The following PARD6G variants were observed in gnomAD, a reference collection of about 807,000 sequenced individuals.
The protein encoded by PARD6G is par-6 family cell polarity regulator gamma.
PARD6G carries 7 observed loss-of-function variants against 10.7 expected under a neutral mutation model. That is an observed-to-expected ratio of 0.66 (90% CI 0.37 to 1.23). The LOEUF (loss-of-function observed/expected upper bound fraction) is 1.23. Ranked by LOEUF, PARD6G falls within the 50% of genes most tolerant of loss-of-function variation. The pLI, the probability that PARD6G is intolerant of heterozygous loss-of-function variation, is 0.02. For missense variants in PARD6G, 548 were observed against 571.8 expected (o/e 0.96, Z 0.42); for synonymous variants, 287 against 269.4 (o/e 1.07, Z -0.64).
intron 2 of PARD6G, among the ~76,000 whole-genome samples, chr18:80,186,954 C>G (rs1251133576): frequency 6.6e-6 from 1 of 152,090 alleles, no homozygotes; most frequent in Admixed American, 6.6e-5. Context: ...AAGAAATTAG[C>G]CGGGCGTGGT....
At chr18:80,243,841 G>A (rs1257910503) in intron 1 of PARD6G, among the ~76,000 whole-genome samples, 1 of 152,102 alleles carries the variant, frequency 6.6e-6, no homozygotes, top group Non-Finnish European at 1.5e-5. Context: ...GGAAACACAG[G>A]CCAAAGAAAG....
chr18:80,196,551 T>A (rs1460786399), intron 2 of PARD6G, among the ~76,000 whole-genome samples: 2 of 152,166 alleles, frequency 1.3e-5, no homozygotes, highest in African/African-American at 4.8e-5. Flanking sequence ...CAATATAAAC[T>A]CTCACCATTT....
chr18:80,177,045 A>C (rs1268225299), intron 2 of PARD6G, among the ~76,000 whole-genome samples: 2 of 147,032 alleles, frequency 1.4e-5, no homozygotes, highest in African/African-American at 5.1e-5. Context: ...ACACACACAC[A>C]CACCACAGTA....
chr18:80,228,197 C>T lies in PARD6G; in HGVS notation c.72+19080G>A, dbSNP rs569962890. On this transcript the variant is annotated intron_variant, in intron 1 of 2. Transcript: ENST00000353265. The surrounding 1 kb of genome is among the most constrained non-coding windows in gnomAD (Gnocchi z 4.6). ...CTCTGAGCACAGCTGGAAAAGGGCC[C>T]GACCTGGTGCTCAGGAAGTCACATC... 4.6e-5 allele frequency among the ~76,000 whole-genome samples: 7 copies of T among 152,232 alleles called. No individual in the cohort carries two copies. The highest frequency in any genetic ancestry group is 1.3e-4 in the Admixed American group (2 of 15,290).
chr18:80,187,557 C>T lies in PARD6G; in HGVS notation c.295+15153G>A, dbSNP rs559925330. Among the ~76,000 whole-genome samples, 13 of 152,294 alleles carry T rather than the reference C, an allele frequency of 8.5e-5. No individual in the cohort carries two copies. The East Asian group carries it at 2.5e-3, about 29-fold the overall frequency. ...CAATTCAGGCATTGTGGGAGGGTCA[C>T]GAGGAACAAAGGACACCCTAGCCCC... On this transcript the variant is annotated intron_variant, in intron 2 of 2. Coordinates refer to ENST00000353265, the MANE Select transcript of PARD6G (RefSeq NM_032510.4).
intron 1 of PARD6G, among the ~76,000 whole-genome samples, chr18:80,226,385 G>C (rs1004759351): frequency 7.9e-5 from 12 of 151,886 alleles, no homozygotes; most frequent in African/African-American, 2.7e-4. Flanking sequence ...TGGTCAGGCT[G>C]GTCTCGAACT....
chr18:80,220,467 C>A (rs186208245), intron 1 of PARD6G, among the ~76,000 whole-genome samples: 1 of 152,116 alleles, frequency 6.6e-6, no homozygotes, highest in African/African-American at 2.4e-5. Flanking sequence ...CTAAGGAAAT[C>A]TGAATAAAGT....
At position 80,247,374 on chromosome 18, in the gene PARD6G, G is replaced by C. The variant is rs553791563; in HGVS notation, c.-26C>G. The C allele has an allele frequency of 8.4e-6, 13 of 1,541,722 alleles. No individual in the cohort carries two copies. The highest frequency in any genetic ancestry group is 1.1e-5 in the Non-Finnish European group (12 of 1,141,308). On this transcript the variant is annotated 5_prime_UTR_variant, in exon 1 of 3. Coordinates refer to ENST00000353265, the MANE Select transcript of PARD6G (RefSeq NM_032510.4). The surrounding 1 kb of genome is among the most constrained non-coding windows in gnomAD (Gnocchi z 4.2). ...GGTTTCGGCCCCGGTCAGCCTCGCC[G>C]TCGCCCTCGCTCCTCAGGGGCCGCA... is the stretch of plus-strand genomic sequence containing the variant.
intron 2 of PARD6G, among the ~76,000 whole-genome samples, chr18:80,176,275 C>T (rs1355904538): frequency 1.3e-5 from 2 of 152,186 alleles, no homozygotes; most frequent in African/African-American, 4.8e-5. Flanking sequence ...TGCTTTTAAT[C>T]AAGTTTTTCC....
chr18:80,208,240 T>C (rs1967073716), intron 1 of PARD6G, among the ~76,000 whole-genome samples: 1 of 152,200 alleles, frequency 6.6e-6, no homozygotes, highest in Admixed American at 6.5e-5. Context: ...GCAAACTATT[T>C]ATATTTACTA....
At position 80,192,667 on chromosome 18, in the gene PARD6G, G is replaced by C. The variant is rs1375948970; in HGVS notation, c.295+10043C>G. On this transcript the variant is annotated intron_variant, in intron 2 of 2. Transcript: ENST00000353265. This position sits in a 1 kb window ranked among gnomAD's most constrained non-coding sequence, Gnocchi z 4.9. The stretch of plus-strand genomic sequence containing the variant: ...ACTGTACTTTCTGAACCTTACTGTG[G>C]TCCAGAACACCAAAGACAAGGAGGG... Among the ~76,000 whole-genome samples, 1 of 152,182 alleles carries C rather than the reference G, an allele frequency of 6.6e-6. No homozygotes were observed. The highest frequency in any genetic ancestry group is 2.4e-5 in the African/African-American group (1 of 41,446).
intron 1 of PARD6G, among the ~76,000 whole-genome samples, chr18:80,220,384 C>T (rs1967215974): frequency 6.6e-6 from 1 of 152,002 alleles, no homozygotes; most frequent in Non-Finnish European, 1.5e-5. Context: ...ATCAGGAGAC[C>T]TCAAAATTAA....
chr18:80,222,759 C>T (rs1967246539), intron 1 of PARD6G, among the ~76,000 whole-genome samples: 1 of 152,106 alleles, frequency 6.6e-6, no homozygotes, highest in Non-Finnish European at 1.5e-5. Flanking sequence ...CTAAAACGTC[C>T]ATCTCCTGGG....
chr18:80,192,201 C>T lies in PARD6G; in HGVS notation c.295+10509G>A, dbSNP rs1367477262. 2.0e-5 allele frequency among the ~76,000 whole-genome samples: 3 copies of T among 152,230 alleles called. No homozygotes were observed. Among genetic ancestry groups the T allele is most frequent in the Admixed American group, 6.5e-5 (1 of 15,278 alleles). ...AGACATGATATGACAGTGACCCCTT[C>T]GTTCATTCCTGAGAAGCAAGAACAT... On this transcript the variant is annotated intron_variant, in intron 2 of 2. Transcript: ENST00000353265. This position sits in a 1 kb window ranked among gnomAD's most constrained non-coding sequence, Gnocchi z 4.9.
chr18:80,211,774 C>T (rs1022814900), intron 1 of PARD6G, among the ~76,000 whole-genome samples: 1 of 152,092 alleles, frequency 6.6e-6, no homozygotes, highest in African/African-American at 2.4e-5. Flanking sequence ...ACCTTGAGGA[C>T]ATTATGCTGA....
rs1195585274 is a variant in PARD6G, at chr18:80,200,551, C to G, written c.295+2159G>C. Among the ~76,000 whole-genome samples the G allele has an allele frequency of 1.3e-5, 2 of 152,094 alleles. No homozygotes were observed. The highest frequency in any genetic ancestry group is 3.9e-4 in the East Asian group (2 of 5,178). The stretch of plus-strand genomic sequence containing the variant: ...CACAAAGCCAGGGAGAAGGTGGGGT[C>G]TGAGTTCAGGTCTCCCTAGCTCCAC... On this transcript the variant is annotated intron_variant, in intron 2 of 2. Transcript: ENST00000353265. The surrounding 1 kb of genome is among the most constrained non-coding windows in gnomAD (Gnocchi z 4.4).
rs1289756798 is a variant in PARD6G, at chr18:80,200,224, C to T, written c.295+2486G>A. Among the ~76,000 whole-genome samples the T allele has an allele frequency of 5.3e-5, 8 of 152,308 alleles. No individual in the cohort carries two copies. The highest frequency in any genetic ancestry group is 3.9e-4 in the East Asian group (2 of 5,188). On this transcript the variant is annotated intron_variant, in intron 2 of 2. Transcript: ENST00000353265. The surrounding 1 kb of genome is among the most constrained non-coding windows in gnomAD (Gnocchi z 4.4). ...TCAGGGGCCTCAGCTCTGCCCCAAA[C>T]GCAAACACACAGATTATGAAACATC...
At position 80,175,428 on chromosome 18, in the gene PARD6G, G is replaced by C. The variant is rs1205995895; in HGVS notation, c.296-14822C>G. ...CTTCTTCCTGTATCCCCACGTGGCAGGGAGACCGAGATCTCTGGTGCCTCC... is the reference window on the plus strand; with the variant it reads ...CTTCTTCCTGTATCCCCACGTGGCACGGAGACCGAGATCTCTGGTGCCTCC... On this transcript the variant is annotated intron_variant, in intron 2 of 2. Coordinates refer to ENST00000353265, the MANE Select transcript of PARD6G (RefSeq NM_032510.4). The surrounding 1 kb of genome is among the most constrained non-coding windows in gnomAD (Gnocchi z 6.7). Among the ~76,000 whole-genome samples, 2 of 152,162 alleles carry C rather than the reference G, an allele frequency of 1.3e-5. No individual in the cohort carries two copies. Among genetic ancestry groups the C allele is most frequent in the African/African-American group, 4.8e-5 (2 of 41,438 alleles).
In PARD6G at chr18:80,165,094, G is replaced by A. The variant is rs545399472; in HGVS notation, c.296-4488C>T. On this transcript the variant is annotated intron_variant, in intron 2 of 2. Coordinates refer to ENST00000353265, the MANE Select transcript of PARD6G (RefSeq NM_032510.4). ...AAACAGGGTTCGAGAGCAGAGAACCGGTCTGACCACAAATTTACCAGGGCA... is the reference window on the plus strand; with the variant it reads ...AAACAGGGTTCGAGAGCAGAGAACCAGTCTGACCACAAATTTACCAGGGCA... Among the ~76,000 whole-genome samples, 16 of 152,252 alleles carry A rather than the reference G, an allele frequency of 1.1e-4. No homozygotes were observed. The South Asian group carries it at 1.2e-3, about 12-fold the overall frequency.
Sources: gnomAD v4.1 joint callset for allele counts (sites outside exome capture counted in the v4.1 genomes callset) on GRCh38, gnomAD v4.1.1 for gene constraint, Gnocchi (gnomAD v3.1) non-coding constraint, MANE v1.5 for transcripts, NCBI Gene and HGNC (gene_info 2026-07-23, HGNC 2026-07-21) for gene names.